The following FAM193A variants were observed in gnomAD, a reference collection of about 807,000 sequenced individuals.
FAM193A encodes the protein protein FAM193A.
In FAM193A, 22 loss-of-function variants were observed where a neutral mutation model predicts 126.5. The observed-to-expected ratio is 0.17, with a 90% CI of 0.12 to 0.25. FAM193A has a LOEUF of 0.25. Among genes scored for constraint, FAM193A ranks in the 10% least tolerant of loss-of-function variants. The pLI is 1.00. For synonymous variants in FAM193A, 761 were observed against 646.8 expected (o/e 1.18, Z -2.68); for missense variants, 1,675 against 1,672.8 (o/e 1.00, Z -0.02).
At chr4:2,558,563 G>T (rs189955143) in intron 1 of FAM193A, among the ~76,000 whole-genome samples, 1 of 152,212 alleles carries the variant, frequency 6.6e-6, no homozygotes, top group Admixed American at 6.6e-5. Context: ...AATTTTTCTG[G>T]GGGGGATGAG....
At chr4:2,568,603 C>A (rs184953243) in intron 1 of FAM193A, among the ~76,000 whole-genome samples, 1 of 152,270 alleles carries the variant, frequency 6.6e-6, no homozygotes, top group Non-Finnish European at 1.5e-5. Context: ...CAGCCAATTT[C>A]GTCTGATTTT....
chr4:2,653,592 C>A (rs568507843), intron 7 of FAM193A, among the ~76,000 whole-genome samples: 2 of 151,982 alleles, frequency 1.3e-5, no homozygotes, highest in Non-Finnish European at 2.9e-5. Flanking sequence ...TACAGGCGCC[C>A]GCCACCACGC....
chr4:2,625,565 C>T (rs772654888), intron 3 of FAM193A, 170 bp downstream of exon 3: 3 of 456,742 alleles, frequency 6.6e-6, no homozygotes, highest in Non-Finnish European at 1.2e-5. Context: ...AACTGTTGCT[C>T]TTGAGGAACT....
intron 1 of FAM193A, among the ~76,000 whole-genome samples, chr4:2,549,058 C>T (rs1737746256): frequency 1.2e-5 from 1 of 84,392 alleles, no homozygotes; most frequent in Non-Finnish European, 2.4e-5. Context: ...GTGCCTCAGC[C>T]TCCTGAGTAG....
At chr4:2,588,275 C>T (rs955938480) in intron 1 of FAM193A, among the ~76,000 whole-genome samples, 7 of 152,298 alleles carry the variant, frequency 4.6e-5, no homozygotes, top group Non-Finnish European at 8.8e-5. Flanking sequence ...TGTGTCCTGC[C>T]GTGAAAGTTC....
intron 6 of FAM193A, among the ~76,000 whole-genome samples, chr4:2,644,373 G>A (rs999601538): frequency 6.6e-6 from 1 of 152,162 alleles, no homozygotes; most frequent in Admixed American, 6.5e-5. Context: ...AGTAGGGGCA[G>A]GATGGAATTG....
At chr4:2,577,164 CTT>C (rs1416511197) in intron 1 of FAM193A, among the ~76,000 whole-genome samples, 1 of 99,388 alleles carries the variant, frequency 1.0e-5, no homozygotes. Context: ...TACTTTTTTT[CTT>C]TTTTGAGACG....
rs776669502 is a variant in FAM193A, at chr4:2,700,059, C to T, written c.3887C>T (p.Ala1296Val). The change falls in exon 19 of 21, where the codon GCT (alanine) becomes GTT (valine). Residue 1296 changes from alanine to valine, a missense_variant. By Grantham distance (64) the Ala-to-Val change is moderately conservative. Coordinates refer to ENST00000637812, the MANE Select transcript of FAM193A (RefSeq NM_001366318.2). ...PRPGLGADGD[A>V]ADPVDTRDSK... ...CCAGGGCTAGGGGCTGATGGGGATGCTGCAGACCCCGTCGACACCAGAGAC... is the reference window on the plus strand; with the variant it reads ...CCAGGGCTAGGGGCTGATGGGGATGTTGCAGACCCCGTCGACACCAGAGAC... 2 of 1,613,952 alleles carry T rather than the reference C, an allele frequency of 1.2e-6. No homozygotes were observed. The highest frequency in any genetic ancestry group is 2.2e-5 in the South Asian group (2 of 91,074).
Position 2,610,335 on chromosome 4 carries a change from C to A in FAM193A, c.501+14006C>A, listed in dbSNP as rs532072377. Among the ~76,000 whole-genome samples the A allele has an allele frequency of 1.0e-3, 153 of 150,718 alleles. 1 individual carries two copies. Among genetic ancestry groups the A allele is most frequent in the South Asian group, 1.7e-3 (8 of 4,822 alleles). ...GATCAATCAAGGCATATAGTCCCAA[C>A]TTAAACCAGCCATTTAAGAGTTTGC... On this transcript the variant is annotated intron_variant, in intron 2 of 20. Transcript: ENST00000637812.
chr4:2,549,230 A>T (rs530520992), intron 1 of FAM193A, among the ~76,000 whole-genome samples: 1 of 150,998 alleles, frequency 6.6e-6, no homozygotes, highest in South Asian at 2.1e-4. Context: ...GAGCCACTGC[A>T]CCCAGGCTGT....
In FAM193A at chr4:2,681,951, C is replaced by G. The variant is rs926606780; in HGVS notation, c.2332-7555C>G. 3.4e-5 allele frequency among the ~76,000 whole-genome samples: 5 copies of G among 146,618 alleles called. No homozygotes were observed. The South Asian group carries it at 6.4e-4, about 19-fold the overall frequency. ...ATTGATCCATTGGTTGTTTCCATCCCTTTACTTTTAACTTCTCAGGGTTTT... is the reference window on the plus strand; with the variant it reads ...ATTGATCCATTGGTTGTTTCCATCCGTTTACTTTTAACTTCTCAGGGTTTT... On this transcript the variant is annotated intron_variant, in intron 13 of 20. Transcript: ENST00000637812.
At position 2,650,130 on chromosome 4, in the gene FAM193A, AT is replaced by A. The variant is rs1403180340; in HGVS notation, c.1311+3301del. ...GTGCATTGTGGTGAGTTGTATAATT[AT>A]TTCATTCTATATGACAGTGTAATAA... On this transcript the variant is annotated intron_variant, in intron 7 of 20. Coordinates refer to ENST00000637812, the MANE Select transcript of FAM193A (RefSeq NM_001366318.2). Among the ~76,000 whole-genome samples, 19 of 152,272 alleles carry A rather than the reference AT, an allele frequency of 1.2e-4. No individual in the cohort carries two copies. The East Asian group carries it at 3.5e-3, about 28-fold the overall frequency.
chr4:2,660,245 A>G (rs1039921798), intron 10 of FAM193A, among the ~76,000 whole-genome samples, 191 bp downstream of exon 10: 15 of 149,176 alleles, frequency 1.0e-4, no homozygotes, highest in African/African-American at 3.2e-4. Flanking sequence ...TTTATCTGGG[A>G]AAAAAAAAAC....
intron 13 of FAM193A, among the ~76,000 whole-genome samples, chr4:2,676,300 CT>C (rs1279432401): frequency 6.6e-6 from 1 of 152,164 alleles, no homozygotes; most frequent in Non-Finnish European, 1.5e-5. Flanking sequence ...TTCTGTTTTG[CT>C]TTTTTAATAG....
At chr4:2,660,328 C>G (rs1036071981) in intron 10 of FAM193A, among the ~76,000 whole-genome samples, 2 of 152,152 alleles carry the variant, frequency 1.3e-5, no homozygotes, top group African/African-American at 2.4e-5. Flanking sequence ...TAATTCCGGC[C>G]TCACATCTCC....
chr4:2,581,499 CT>C (rs1739938992), intron 1 of FAM193A, among the ~76,000 whole-genome samples: 1 of 152,116 alleles, frequency 6.6e-6, no homozygotes, highest in Non-Finnish European at 1.5e-5. Context: ...GGCAATCCGC[CT>C]GTCTGGGCCT....
At chr4:2,701,992 A>C (rs1717788569) in intron 19 of FAM193A, among the ~76,000 whole-genome samples, 1 of 152,058 alleles carries the variant, frequency 6.6e-6, no homozygotes. Context: ...GGCTGGTCTC[A>C]AACTCCCGAC....
chr4:2,600,302 G>A (rs1164168090), intron 2 of FAM193A, among the ~76,000 whole-genome samples: 1 of 152,182 alleles, frequency 6.6e-6, no homozygotes, highest in African/African-American at 2.4e-5. Flanking sequence ...TGAGTTCCCG[G>A]ACTTGGCACT....
At chr4:2,577,436 T>TTTTTTTTTTTTTTA (rs1739663592) in intron 1 of FAM193A, among the ~76,000 whole-genome samples, 4 of 148,828 alleles carry the variant, frequency 2.7e-5, no homozygotes, top group Non-Finnish European at 3.0e-5. Context: ...TTTTTTTTTT[T>TTTTTTTTTTTTTTA]GAGACAGAGT....
Sources: allele counts gnomAD v4.1 joint callset (sites outside exome capture counted in the v4.1 genomes callset), GRCh38; gene constraint gnomAD v4.1.1; transcripts MANE v1.5; gene names NCBI Gene and HGNC (gene_info 2026-07-23, HGNC 2026-07-21).